Variants in EPHA7 observed in about 807,000 individuals in gnomAD.
The protein encoded by EPHA7 is ephrin type-A receptor 7.
EPHA7 carries 25 observed loss-of-function variants against 112.6 expected under a neutral mutation model. That is an observed-to-expected ratio of 0.22 (90% confidence interval 0.16 to 0.31). EPHA7 has a LOEUF of 0.31. Among genes scored for constraint, EPHA7 ranks in the 10% least tolerant of loss-of-function variants. The pLI is 1.00. For synonymous variants in EPHA7, 437 were observed against 406.5 expected (o/e 1.07, Z -0.90); for missense variants, 962 against 1,212.6 (o/e 0.79, Z 3.07).
At chr6:93,264,198 C>T (rs890293365) in intron 8 of EPHA7, among the ~76,000 whole-genome samples, 1 of 151,478 alleles carries the variant, frequency 6.6e-6, no homozygotes, top group Non-Finnish European at 1.5e-5. Flanking sequence ...CAAAAATATT[C>T]ATGAGTCACA....
At chr6:93,287,283 A>G (rs974083994) in intron 5 of EPHA7, among the ~76,000 whole-genome samples, 7 of 152,064 alleles carry the variant, frequency 4.6e-5, no homozygotes, top group Admixed American at 2.0e-4. Context: ...TATGAAAAAA[A>G]TTGTCCATAT....
In EPHA7 at chr6:93,279,444, A is replaced by C. The variant is rs543182254; in HGVS notation, c.1325-7022T>G. Among the ~76,000 whole-genome samples, 113 of 152,202 alleles carry C rather than the reference A, an allele frequency of 7.4e-4. 2 individuals carry two copies. Among genetic ancestry groups the C allele is most frequent in the African/African-American group, 2.6e-3 (108 of 41,534 alleles). ...TTATGATCCAATGAAACTGCTGGCA[A>C]ACTGGTATCTAATTAATTAATCCTA... is the stretch of plus-strand genomic sequence containing the variant. On this transcript the variant is annotated intron_variant, in intron 5 of 16. Coordinates refer to ENST00000369303, the MANE Select transcript of EPHA7 (RefSeq NM_004440.4).
At position 93,309,729 on chromosome 6, in the gene EPHA7, A is replaced by C. The variant is rs371355778; in HGVS notation, c.1325-37307T>G. Among the ~76,000 whole-genome samples, 15 of 152,308 alleles carry C rather than the reference A, an allele frequency of 9.8e-5. No individual in the cohort carries two copies. The South Asian group carries it at 1.4e-3, about 15-fold the overall frequency. ...TTTATCATAAAACATTCTATACTTAAGATCAACATATGTGAAGAACAAAAT... is the reference window on the plus strand; with the variant it reads ...TTTATCATAAAACATTCTATACTTACGATCAACATATGTGAAGAACAAAAT... On this transcript the variant is annotated intron_variant, in intron 5 of 16. Transcript: ENST00000369303.
At chr6:93,244,246 C>T (rs1769843339) in intron 16 of EPHA7, among the ~76,000 whole-genome samples, 1 of 152,006 alleles carries the variant, frequency 6.6e-6, no homozygotes, top group Non-Finnish European at 1.5e-5. Context: ...ATGGCAGTGA[C>T]TGAGAAACAT....
chr6:93,283,444 T>C (rs981937255), intron 5 of EPHA7, among the ~76,000 whole-genome samples: 1 of 152,050 alleles, frequency 6.6e-6, no homozygotes. Context: ...GCTTTTTCAC[T>C]CTTTGTGATA....
chr6:93,324,938 TTCAC>T (rs1260741096), intron 5 of EPHA7, among the ~76,000 whole-genome samples: 2 of 151,540 alleles, frequency 1.3e-5, no homozygotes, highest in Non-Finnish European at 3.0e-5. Context: ...TGATAGATTT[TTCAC>T]TCACTATTTT....
chr6:93,318,629 T>TTTG (rs1773922791), intron 5 of EPHA7, among the ~76,000 whole-genome samples: 1 of 152,094 alleles, frequency 6.6e-6, no homozygotes, highest in Admixed American at 6.6e-5. Flanking sequence ...TCATTTTGTT[T>TTTG]TTTGTTTGTT....
At chr6:93,286,494 G>A (rs1415393136) in intron 5 of EPHA7, among the ~76,000 whole-genome samples, 2 of 152,096 alleles carry the variant, frequency 1.3e-5, no homozygotes, top group Non-Finnish European at 2.9e-5. Context: ...AGATATTAGG[G>A]AGAAAACTAG....
chr6:93,254,567 T>C, intron 14 of EPHA7, 80 bp downstream of exon 14: 2 of 1,126,446 alleles, frequency 1.8e-6, no homozygotes, highest in Non-Finnish European at 2.5e-6. Context: ...GTGTTCTTAA[T>C]GAGCCTTTAC....
At chr6:93,250,203 C>T (rs1014461296) in intron 14 of EPHA7, among the ~76,000 whole-genome samples, 2 of 152,014 alleles carry the variant, frequency 1.3e-5, no homozygotes, top group Non-Finnish European at 2.9e-5. Flanking sequence ...CCTTATAGAG[C>T]AGTTTGGCAT....
chr6:93,396,230 T>G (rs1259136951), intron 3 of EPHA7, among the ~76,000 whole-genome samples: 3 of 151,896 alleles, frequency 2.0e-5, no homozygotes, highest in African/African-American at 7.2e-5. Flanking sequence ...CATGCCATTT[T>G]GATGACTAAT....
chr6:93,251,214 T>A (rs1770192590), intron 14 of EPHA7, among the ~76,000 whole-genome samples: 1 of 152,012 alleles, frequency 6.6e-6, no homozygotes, highest in South Asian at 2.1e-4. Flanking sequence ...TATATTAACA[T>A]GAAAAAATAT....
At chr6:93,372,008 AT>A (rs879729461) in intron 3 of EPHA7, among the ~76,000 whole-genome samples, 1 of 151,948 alleles carries the variant, frequency 6.6e-6, no homozygotes, top group Non-Finnish European at 1.5e-5. Flanking sequence ...TTTAGAATCA[AT>A]TTTTTTTCAA....
intron 3 of EPHA7, among the ~76,000 whole-genome samples, chr6:93,380,099 A>G (rs1218783931): frequency 6.6e-6 from 1 of 151,974 alleles, no homozygotes; most frequent in African/African-American, 2.4e-5. Context: ...CTCCAGCAAC[A>G]TTTTTAAAAA....
intron 3 of EPHA7, among the ~76,000 whole-genome samples, chr6:93,368,757 C>T (rs1289634758): frequency 1.3e-5 from 2 of 152,018 alleles, no homozygotes; most frequent in Non-Finnish European, 2.9e-5. Context: ...CAGTTTTCTG[C>T]GATAATTTTA....
intron 3 of EPHA7, among the ~76,000 whole-genome samples, chr6:93,359,213 C>T (rs1776116015): frequency 6.6e-6 from 1 of 152,028 alleles, no homozygotes; most frequent in Non-Finnish European, 1.5e-5. Flanking sequence ...ATTTCTGCCA[C>T]CTCCTAATGA....
At chr6:93,383,315 C>T (rs1034685841) in intron 3 of EPHA7, among the ~76,000 whole-genome samples, 3 of 148,826 alleles carry the variant, frequency 2.0e-5, no homozygotes, top group Admixed American at 6.7e-5. Context: ...TATATCAGAA[C>T]TCATTTTGTG....
chr6:93,348,783 T>A (rs933260341), intron 5 of EPHA7, among the ~76,000 whole-genome samples: 2 of 151,858 alleles, frequency 1.3e-5, no homozygotes, highest in Non-Finnish European at 2.9e-5. Context: ...CATATTACAG[T>A]ATACAAAGAA....
At chr6:93,341,289 T>G (rs964885722) in intron 5 of EPHA7, among the ~76,000 whole-genome samples, 24 of 151,842 alleles carry the variant, frequency 1.6e-4, no homozygotes, top group African/African-American at 5.3e-4. Flanking sequence ...TAATCATAAT[T>G]TCCAAATATA....
Sources: gnomAD v4.1 joint callset for allele counts (sites outside exome capture counted in the v4.1 genomes callset) on GRCh38, gnomAD v4.1.1 for gene constraint, MANE v1.5 for transcripts, NCBI Gene and HGNC (gene_info 2026-07-23, HGNC 2026-07-21) for gene names.